Variants in LRRC37A2 observed in about 807,000 individuals in gnomAD.
LRRC37A2 encodes the protein leucine-rich repeat-containing protein 37A2.
LRRC37A2 carries 9 observed loss-of-function variants against 68.8 expected under a neutral mutation model. The ratio of observed to expected loss-of-function variants is 0.13; its 90% CI spans 0.08 to 0.23. The LOEUF is 0.23. Among genes scored for constraint, LRRC37A2 ranks in the 10% least tolerant of loss-of-function variants. The pLI, the probability that LRRC37A2 is intolerant of heterozygous loss-of-function variation, is 1.00. For missense variants in LRRC37A2, 168 were observed against 950.4 expected (o/e 0.18, Z 10.82); for synonymous variants, 63 against 367.6 (o/e 0.17, Z 9.48).
chr17:46,954,241 G>C, the LRRC37A2 span, among the ~76,000 whole-genome samples: 9 of 152,312 alleles, frequency 5.9e-5, no homozygotes, highest in Admixed American at 5.2e-4. Flanking sequence ...TCCAGTTTCA[G>C]CTTTCTACAT....
the LRRC37A2 span, chr17:46,722,009 A>G: frequency 2.5e-6 from 4 of 1,607,648 alleles, no homozygotes; most frequent in South Asian, 1.1e-5. Context: ...ACCACCACCA[A>G]CTTCAGTTTC....
At chr17:46,936,504 G>A in the LRRC37A2 span, 1 of 985,520 alleles carries the variant, frequency 1.0e-6, no homozygotes, top group Non-Finnish European at 1.2e-6. Context: ...TTTGTCTCTT[G>A]ATTCCCTCCA....
the LRRC37A2 span, chr17:46,818,643 G>C: frequency 8.6e-6 from 13 of 1,517,110 alleles, no homozygotes; most frequent in Non-Finnish European, 1.1e-5. Context: ...CATGAAGAGG[G>C]GGAGCGACGC....
At chr17:46,768,292 CCT>C in the LRRC37A2 span, 1 of 1,612,834 alleles carries the variant, frequency 6.2e-7, no homozygotes, top group African/African-American at 1.3e-5. The surrounding 1 kb of genome is among the most constrained non-coding windows in gnomAD (Gnocchi z 5.0). Flanking sequence ...CAGCCTCCCC[CCT>C]GCTTCCCGGA....
At chr17:46,717,558 A>G in the LRRC37A2 span, among the ~76,000 whole-genome samples, 1 of 152,112 alleles carries the variant, frequency 6.6e-6, no homozygotes, top group Non-Finnish European at 1.5e-5. Flanking sequence ...TAAAAATACA[A>G]AAATTAGCCA....
chr17:46,769,870 T>C, the LRRC37A2 span: 3 of 1,613,604 alleles, frequency 1.9e-6, no homozygotes, highest in South Asian at 1.1e-5. Context: ...CCCTGGACAC[T>C]AACACGCCGA....
chr17:46,516,216 T>G, intron 2 of LRRC37A2, among the ~76,000 whole-genome samples: 1 of 143,506 alleles, frequency 7.0e-6, no homozygotes, highest in Admixed American at 7.3e-5. Context: ...GGCAGGAGAA[T>G]GGCATGAACC....
the LRRC37A2 span, among the ~76,000 whole-genome samples, chr17:46,737,914 T>C: frequency 4.7e-4 from 3 of 6,372 alleles, no homozygotes; most frequent in Middle Eastern, 0.33. Flanking sequence ...TAGCATATTA[T>C]TATTATTATT....
chr17:46,868,411 G>C, the LRRC37A2 span, among the ~76,000 whole-genome samples: 1 of 152,092 alleles, frequency 6.6e-6, no homozygotes, highest in Non-Finnish European at 1.5e-5. Context: ...AGCCAACATG[G>C]CGAAACCCCA....
the LRRC37A2 span, among the ~76,000 whole-genome samples, chr17:46,860,858 C>CTT: frequency 8.5e-3 from 1,285 of 151,694 alleles, 18 homozygotes; most frequent in African/African-American, 0.029. Flanking sequence ...TAAAATTTCA[C>CTT]TTTTTTTTTA....
At chr17:46,958,517 G>T in the LRRC37A2 span, among the ~76,000 whole-genome samples, 2 of 152,234 alleles carry the variant, frequency 1.3e-5, no homozygotes, top group Non-Finnish European at 2.9e-5. Flanking sequence ...GCCACTGGAA[G>T]TAGGATCTGG....
At chr17:46,839,691 C>G in the LRRC37A2 span, among the ~76,000 whole-genome samples, 25,385 of 152,076 alleles carry the variant, frequency 0.17, 2,429 homozygotes, top group East Asian at 0.38. Flanking sequence ...CAGTCCCCCC[C>G]GCCAAGAGGC....
the LRRC37A2 span, among the ~76,000 whole-genome samples, chr17:46,377,663 G>A: frequency 8.2e-5 from 5 of 60,750 alleles, no homozygotes; most frequent in East Asian, 2.3e-4. Context: ...TCTGCCTCCC[G>A]GGTTCAAGCG....
chr17:46,710,895 C>T, the LRRC37A2 span: 3 of 1,395,398 alleles, frequency 2.1e-6, no homozygotes, highest in Admixed American at 2.7e-5. Flanking sequence ...CGGATTATAA[C>T]TCGTCTTTTA....
the LRRC37A2 span, among the ~76,000 whole-genome samples, chr17:46,788,608 A>G: frequency 2.5e-4 from 38 of 152,224 alleles, no homozygotes; most frequent in Middle Eastern, 3.2e-3. Context: ...TACATCCGTC[A>G]CAGGTAACCT....
the LRRC37A2 span, among the ~76,000 whole-genome samples, chr17:46,852,389 AGTGTGTGTGTGT>A: frequency 0.13 from 13,562 of 105,312 alleles, 938 homozygotes; most frequent in African/African-American, 0.2. Context: ...GAGAGGGCCC[AGTGTGTGTGTGT>A]GTGTGTGTGT....
the LRRC37A2 span, among the ~76,000 whole-genome samples, chr17:46,842,477 C>T: frequency 4.0e-4 from 61 of 152,174 alleles, no homozygotes; most frequent in African/African-American, 1.4e-3. Flanking sequence ...TGGGTTCAAA[C>T]CATCCTCCTG....
chr17:46,862,375 C>T, the LRRC37A2 span, among the ~76,000 whole-genome samples: 2 of 152,130 alleles, frequency 1.3e-5, no homozygotes, highest in Non-Finnish European at 2.9e-5. Context: ...AGGTAGACAT[C>T]TACAGGTTGG....
chr17:46,812,571 C>T, the LRRC37A2 span, among the ~76,000 whole-genome samples: 3 of 152,128 alleles, frequency 2.0e-5, no homozygotes, highest in Non-Finnish European at 2.9e-5. Context: ...CTCTGGGGGT[C>T]GGGGAATGAT....
Sources: allele counts gnomAD v4.1 joint callset (sites outside exome capture counted in the v4.1 genomes callset), GRCh38; gene constraint gnomAD v4.1.1; non-coding constraint Gnocchi (gnomAD v3.1); transcripts MANE v1.5; gene names NCBI Gene and HGNC (gene_info 2026-07-23, HGNC 2026-07-21).